Variants in DNASE1 observed in about 807,000 individuals in gnomAD.
DNASE1 encodes deoxyribonuclease 1.
A neutral mutation model predicts 33.9 loss-of-function variants in DNASE1; 40 were observed. The ratio of observed to expected loss-of-function variants is 1.18; its 90% CI spans 0.92 to 1.54. The LOEUF is 1.54. Ranked by LOEUF, DNASE1 falls within the 40% of genes most tolerant of loss-of-function variation. The pLI, the probability that DNASE1 is intolerant of heterozygous loss-of-function variation, is 0.00. For synonymous variants in DNASE1, 216 were observed against 160.0 expected, an observed-to-expected ratio of 1.35 and a Z score of -2.64; for missense variants, 518 against 372.6, an observed-to-expected ratio of 1.39 and a Z score of -3.21.
At chr16:3,611,814 T>G (rs12924990) in exon 1 of DNASE1, 1 of 152,076 alleles carries the variant, frequency 6.6e-6, no homozygotes, top group African/African-American at 2.4e-5. Context: ...GAGAAAGAGT[T>G]AGGGCGAGTT....
chr16:3,646,081 A>G (rs2042164760), intron 1 of DNASE1, among the ~76,000 whole-genome samples: 1 of 152,144 alleles, frequency 6.6e-6, no homozygotes, highest in African/African-American at 2.4e-5. Flanking sequence ...GAGGGCAGAT[A>G]GGTCTTGTAG....
In DNASE1 at chr16:3,656,729, G is replaced by T; in HGVS notation, c.412G>T (p.Val138Phe). 1 of 1,611,708 alleles carries T rather than the reference G, an allele frequency of 6.2e-7. No homozygotes were observed. The highest frequency in any genetic ancestry group is 8.5e-7 in the Non-Finnish European group (1 of 1,178,892). ...NDTFNREPAIVRFFSRFTEVR... is the reference protein window; with the variant it reads ...NDTFNREPAIFRFFSRFTEVR... Reference sequence around the variant, plus strand: ...CACCTTCAACCGAGAGCCAGCCATTGTCAGGTTCTTCTCCCGGTTCACAGG... The same window carrying T: ...CACCTTCAACCGAGAGCCAGCCATTTTCAGGTTCTTCTCCCGGTTCACAGG... Residue 138 changes from valine to phenylalanine, a missense_variant, in exon 5 of 9, where the codon GTC (valine) becomes TTC (phenylalanine). Val to Phe is a conservative substitution (Grantham distance 50). Coordinates refer to ENST00000246949, the MANE Select transcript of DNASE1 (RefSeq NM_005223.4).
At chr16:3,620,695 C>G (rs1001725507) in intron 1 of DNASE1, among the ~76,000 whole-genome samples, 1 of 151,588 alleles carries the variant, frequency 6.6e-6, no homozygotes, top group Non-Finnish European at 1.5e-5. Flanking sequence ...TACTTATAAC[C>G]TGTATGTGTG....
Position 3,656,683 on chromosome 16 carries a change from C to G in DNASE1, c.366C>G (p.Gly122=). The G allele has an allele frequency of 1.2e-6, 2 of 1,613,222 alleles. No individual in the cohort carries two copies. Among genetic ancestry groups the G allele is most frequent in the Non-Finnish European group, 1.7e-6 (2 of 1,179,744 alleles). The change falls in exon 5 of 9, where the codon GGC becomes GGG. Residue 122 remains glycine, a synonymous_variant. Coordinates refer to ENST00000246949, the MANE Select transcript of DNASE1 (RefSeq NM_005223.4). The part of the protein sequence containing the change: ...SAVDSYYYDD[G]CEPCGNDTFN... ...TGGACAGCTACTACTACGATGATGG[C>G]TGCGAGCCCTGCGGGAACGACACCT...
upstream of DNASE1, among the ~76,000 whole-genome samples, chr16:3,639,423 G>C (rs1225036709): frequency 6.6e-6 from 1 of 152,152 alleles, no homozygotes; most frequent in Non-Finnish European, 1.5e-5. Context: ...CGGCTTTCCA[G>C]CACTCCTCAA....
intron 1 of DNASE1, among the ~76,000 whole-genome samples, chr16:3,643,261 C>T (rs763148670): frequency 1.3e-5 from 2 of 152,250 alleles, no homozygotes; most frequent in Non-Finnish European, 2.9e-5. Context: ...GAGAGACGGA[C>T]ATTAGGCACT....
downstream of DNASE1, chr16:3,660,086 AAAG>A (rs1177542979): frequency 6.6e-6 from 1 of 152,210 alleles, no homozygotes; most frequent in Non-Finnish European, 1.5e-5. Context: ...AGCTGGAAAA[AAAG>A]GACATTCTTA....
At chr16:3,643,822 C>T (rs1443966926) in intron 1 of DNASE1, among the ~76,000 whole-genome samples, 3 of 152,070 alleles carry the variant, frequency 2.0e-5, no homozygotes, top group Non-Finnish European at 4.4e-5. Context: ...AGTGCAGTGG[C>T]GCGATCTCGG....
Position 3,654,850 on chromosome 16 carries a change from T to C in DNASE1, c.-196T>C. 3 of 406,228 alleles carry C rather than the reference T, an allele frequency of 7.4e-6. No homozygotes were observed. Among genetic ancestry groups the C allele is most frequent in the East Asian group, 3.5e-5 (1 of 28,282 alleles). 25.2% of individuals were successfully genotyped at this position (406,228 alleles called of 1,614,324 possible). On this transcript the variant is annotated 5_prime_UTR_variant, in exon 1 of 9. Coordinates refer to ENST00000246949, the MANE Select transcript of DNASE1 (RefSeq NM_005223.4). Reference sequence around the variant, plus strand: ...TCACAGCTGCCTGAACTTTTAAAACTCCCAGACACGCACTGCCTGTGCAGG... The same window carrying C: ...TCACAGCTGCCTGAACTTTTAAAACCCCCAGACACGCACTGCCTGTGCAGG...
chr16:3,629,005 C>G (rs571901106), intron 1 of DNASE1, among the ~76,000 whole-genome samples: 1 of 150,132 alleles, frequency 6.7e-6, no homozygotes, highest in East Asian at 2.0e-4. Flanking sequence ...AACCCTGTCT[C>G]TACTAAAAAT....
chr16:3,635,240 T>C (rs758126443), intron 1 of DNASE1, among the ~76,000 whole-genome samples: 9 of 151,932 alleles, frequency 5.9e-5, no homozygotes, highest in Admixed American at 3.3e-4. Flanking sequence ...GATGGATCGC[T>C]TGAGGTCAGG....
At chr16:3,665,020 AG>A (rs1174712064) in exon 10 of DNASE1, 1 of 153,908 alleles carries the variant, frequency 6.5e-6, no homozygotes, top group African/African-American at 2.4e-5. Context: ...AAACAGAAAG[AG>A]GGAAAAGCAA....
At chr16:3,615,230 A>T (rs2041059051) in intron 1 of DNASE1, among the ~76,000 whole-genome samples, 1 of 152,226 alleles carries the variant, frequency 6.6e-6, no homozygotes, top group South Asian at 2.1e-4. Context: ...TAGGCTAAGT[A>T]TAAGAGAGAT....
At chr16:3,656,033 C>A in intron 3 of DNASE1, 69 bp from the exon 4 acceptor site, 3 of 1,612,072 alleles carry the variant, frequency 1.9e-6, no homozygotes, top group Non-Finnish European at 2.5e-6. Flanking sequence ...TGGGCACAGC[C>A]TCGCTATCGG....
chr16:3,662,653 T>C (rs894537174), downstream of DNASE1: 2 of 682,578 alleles, frequency 2.9e-6, no homozygotes, highest in Middle Eastern at 2.3e-4. Flanking sequence ...CAGTTCTCAG[T>C]TCACACCTGC....
At chr16:3,658,732 AGGCAGGCT>A, downstream of DNASE1, 1 of 1,505,142 alleles carries the variant, frequency 6.6e-7, no homozygotes, top group South Asian at 1.2e-5. Flanking sequence ...TCCACCCTGA[AGGCAGGCT>A]GGCAGGGCTG....
At chr16:3,612,406 A>G (rs1423392986) in intron 1 of DNASE1, among the ~76,000 whole-genome samples, 1 of 151,810 alleles carries the variant, frequency 6.6e-6, no homozygotes, top group Non-Finnish European at 1.5e-5. Flanking sequence ...GCCAGTCACC[A>G]CGCCCAGCTA....
At chr16:3,659,753 A>ATAGAT (rs1555461121), downstream of DNASE1, 2 of 54,328 alleles carry the variant, frequency 3.7e-5, no homozygotes, top group Non-Finnish European at 6.4e-5. Context: ...TTTTTTTTAG[A>ATAGAT]TAGATAGATA....
chr16:3,614,104 G>C (rs990036365), intron 1 of DNASE1, among the ~76,000 whole-genome samples: 1 of 152,012 alleles, frequency 6.6e-6, no homozygotes, highest in Non-Finnish European at 1.5e-5. Flanking sequence ...AGTAGAGACG[G>C]GGTTTCACCA....
Sources: gnomAD v4.1 joint callset for allele counts (sites outside exome capture counted in the v4.1 genomes callset) on GRCh38, gnomAD v4.1.1 for gene constraint, MANE v1.5 for transcripts, NCBI Gene and HGNC (gene_info 2026-07-23, HGNC 2026-07-21) for gene names.